The following MALRD1 variants were observed in gnomAD, a reference collection of about 807,000 sequenced individuals.
MALRD1 encodes MAM and LDL receptor class A domain containing 1.
Under a neutral mutation model 242.1 loss-of-function variants are expected in MALRD1, and 247 were observed. That is an observed-to-expected ratio of 1.02 (90% confidence interval 0.92 to 1.13). The LOEUF (loss-of-function observed/expected upper bound fraction) is 1.13. MALRD1 is among the 50% of genes most tolerant of loss of function. The pLI is 0.00. For synonymous variants in MALRD1, 995 were observed against 866.6 expected, an observed-to-expected ratio of 1.15 and a Z score of -2.60; for missense variants, 2,989 against 2,533.1, an observed-to-expected ratio of 1.18 and a Z score of -3.86.
chr10:19,359,208 G>A (rs896076904), intron 26 of MALRD1, among the ~76,000 whole-genome samples: 23 of 152,066 alleles, frequency 1.5e-4, no homozygotes, highest in African/African-American at 2.9e-4. Flanking sequence ...ATATTCCACC[G>A]AATATTTTCC....
At chr10:19,171,740 CATATA>C (rs1440630638) in intron 13 of MALRD1, among the ~76,000 whole-genome samples, 4 of 116,534 alleles carry the variant, frequency 3.4e-5, no homozygotes, top group Admixed American at 8.6e-5. Context: ...GTATATATAT[CATATA>C]ATATACGATA....
chr10:19,261,209 T>C (rs544501985), intron 19 of MALRD1, among the ~76,000 whole-genome samples: 3 of 152,152 alleles, frequency 2.0e-5, no homozygotes, highest in Admixed American at 2.0e-4. Flanking sequence ...ACTAGAAGCA[T>C]AGGCAGAGAT....
At position 19,637,526 on chromosome 10, in the gene MALRD1, G is replaced by C. The variant is rs116515147; in HGVS notation, c.6137+21603G>C. On this transcript the variant is annotated intron_variant, in intron 36 of 39. Transcript: ENST00000454679. Reference sequence around the variant, plus strand: ...ATAAAACTGGATACCATGTTGACCCGGCTCCAGAATTCCAGTTGAGAGAGG... The same window carrying C: ...ATAAAACTGGATACCATGTTGACCCCGCTCCAGAATTCCAGTTGAGAGAGG... Among the ~76,000 whole-genome samples, 1,414 of 152,218 alleles carry C rather than the reference G, an allele frequency of 9.3e-3. 19 individuals are homozygous for C. The highest frequency in any genetic ancestry group is 0.032 in the African/African-American group (1,327 of 41,524).
chr10:19,475,971 A>G (rs888051702), intron 29 of MALRD1, among the ~76,000 whole-genome samples: 3 of 152,190 alleles, frequency 2.0e-5, no homozygotes, highest in African/African-American at 7.2e-5. Context: ...CACATCAGTG[A>G]TTATTGTTGC....
intron 31 of MALRD1, among the ~76,000 whole-genome samples, chr10:19,510,362 G>A (rs1480622723): frequency 2.2e-4 from 33 of 152,172 alleles, no homozygotes; most frequent in Admixed American, 2.0e-3. Context: ...TCGGGCTGGG[G>A]GATGGTCAGG....
intron 28 of MALRD1, among the ~76,000 whole-genome samples, chr10:19,398,334 A>G (rs1465371802): frequency 2.6e-5 from 4 of 152,306 alleles, no homozygotes; most frequent in Admixed American, 1.3e-4. Context: ...TGAATTAGAA[A>G]CAAATTAATA....
intron 29 of MALRD1, chr10:19,488,503 T>TAGACAAA (rs1447120662): frequency 6.5e-6 from 1 of 153,096 alleles, no homozygotes; most frequent in Non-Finnish European, 1.5e-5. Context: ...AAGACAAAAG[T>TAGACAAA]AGAGAGAGAG....
In MALRD1 at chr10:19,324,122, C is replaced by T; in HGVS notation, c.3576+17C>T. ...TCTCTCCAGGTACTGCTTAGGCAATCACATTTTCTGAATTTTCTCTCTAAA... is the reference window on the plus strand; with the variant it reads ...TCTCTCCAGGTACTGCTTAGGCAATTACATTTTCTGAATTTTCTCTCTAAA... On this transcript the variant is annotated intron_variant, in intron 22 of 39. Coordinates refer to ENST00000454679, the MANE Select transcript of MALRD1 (RefSeq NM_001142308.3). 5 of 1,543,248 alleles carry T rather than the reference C, an allele frequency of 3.2e-6. No individual in the cohort carries two copies. The highest frequency in any genetic ancestry group is 4.4e-6 in the Non-Finnish European group (5 of 1,143,416).
At position 19,513,664 on chromosome 10, in the gene MALRD1, G is replaced by A. The variant is rs551793457; in HGVS notation, c.5320+15018G>A. On this transcript the variant is annotated intron_variant, in intron 31 of 39. Transcript: ENST00000454679. ...TGAGGCAGGAGAATGGTGTGAACCC[G>A]GGAGGCGGCGGTTGCAGTGAGCTGA... 1.1e-4 allele frequency among the ~76,000 whole-genome samples: 16 copies of A among 152,030 alleles called. No homozygotes were observed. In the East Asian group the frequency reaches 1.9e-3, roughly 18 times the overall value.
At position 19,625,952 on chromosome 10, in the gene MALRD1, G is replaced by A. The variant is rs558793488; in HGVS notation, c.6137+10029G>A. Reference sequence around the variant, plus strand: ...ATATAACATAGTACTCAAGTGCTAAGGACTAACAAAAATCCTCATAATAAC... The same window carrying A: ...ATATAACATAGTACTCAAGTGCTAAAGACTAACAAAAATCCTCATAATAAC... On this transcript the variant is annotated intron_variant, in intron 36 of 39. Transcript: ENST00000454679. Among the ~76,000 whole-genome samples the A allele has an allele frequency of 2.0e-5, 3 of 151,900 alleles. No individual in the cohort carries two copies. The South Asian group carries it at 6.2e-4, about 32-fold the overall frequency.
chr10:19,488,650 T>C (rs575379543), intron 29 of MALRD1: 1 of 167,108 alleles, frequency 6.0e-6, no homozygotes, highest in African/African-American at 2.4e-5. Context: ...AAACCTTCAG[T>C]CATAGGATAT....
chr10:19,076,000 A>G (rs1161047505), intron 2 of MALRD1, among the ~76,000 whole-genome samples: 1 of 152,020 alleles, frequency 6.6e-6, no homozygotes, highest in Non-Finnish European at 1.5e-5. Context: ...AGTCGTCTGG[A>G]GACCTGGATT....
chr10:19,288,448 C>T (rs1197373377), intron 21 of MALRD1, among the ~76,000 whole-genome samples: 1 of 152,022 alleles, frequency 6.6e-6, no homozygotes, highest in Admixed American at 6.6e-5. Flanking sequence ...CCTCCTGCTA[C>T]CCTTCCCAGC....
In MALRD1 at chr10:19,647,368, C is replaced by G. The variant is rs144044564; in HGVS notation, c.6137+31445C>G. ...ATTAGACCAGCCTGTTAGAGGGAAA[C>G]CAAGGTAGAGGAGCTTACCACGCCC... On this transcript the variant is annotated intron_variant, in intron 36 of 39. Transcript: ENST00000454679. Among the ~76,000 whole-genome samples the G allele has an allele frequency of 1.2e-3, 189 of 152,248 alleles. 2 individuals carry two copies. Among genetic ancestry groups the G allele is most frequent in the African/African-American group, 4.5e-3 (186 of 41,550 alleles).
intron 24 of MALRD1, among the ~76,000 whole-genome samples, chr10:19,343,811 G>A (rs764648258): frequency 9.9e-5 from 15 of 152,180 alleles, no homozygotes; most frequent in Middle Eastern, 3.4e-3. Flanking sequence ...GTGTTTCCAC[G>A]TCCTTGTGAT....
At chr10:19,190,101 C>T (rs1835907570) in intron 14 of MALRD1, among the ~76,000 whole-genome samples, 2 of 151,914 alleles carry the variant, frequency 1.3e-5, no homozygotes, top group Admixed American at 1.3e-4. Flanking sequence ...AGAACTAAAA[C>T]ATGAATTCAA....
intron 14 of MALRD1, among the ~76,000 whole-genome samples, chr10:19,180,979 T>C (rs1048344322): frequency 6.6e-6 from 1 of 152,174 alleles, no homozygotes; most frequent in African/African-American, 2.4e-5. Context: ...TTCATTGGCA[T>C]TAATCATCAG....
chr10:19,307,362 A>T (rs924375155), intron 21 of MALRD1, among the ~76,000 whole-genome samples: 1 of 151,372 alleles, frequency 6.6e-6, no homozygotes, highest in Non-Finnish European at 1.5e-5. Context: ...CTGGGACCCG[A>T]TTTCTATGAG....
chr10:19,719,287 T>C (rs1235076690), intron 38 of MALRD1, among the ~76,000 whole-genome samples: 2 of 141,728 alleles, frequency 1.4e-5, no homozygotes, highest in African/African-American at 5.2e-5. Context: ...TAAAGGGACT[T>C]TCCTGCTAGG....
Sources: gnomAD v4.1 joint callset for allele counts (sites outside exome capture counted in the v4.1 genomes callset) on GRCh38, gnomAD v4.1.1 for gene constraint, MANE v1.5 for transcripts, NCBI Gene and HGNC (gene_info 2026-07-23, HGNC 2026-07-21) for gene names.